The following MYH10 variants were observed in gnomAD, a reference collection of about 807,000 sequenced individuals.
The protein encoded by MYH10 is myosin-10.
A neutral mutation model predicts 257.8 loss-of-function variants in MYH10; 55 were observed. That is an observed-to-expected ratio of 0.21 (90% CI 0.17 to 0.27). MYH10 has a LOEUF of 0.27. Ranked by LOEUF, MYH10 falls within the 10% of genes least tolerant of loss-of-function variation. MYH10 has a pLI of 1.00. For missense variants in MYH10, 1,631 were observed against 2,500.6 expected (o/e 0.65, Z 7.42); for synonymous variants, 854 against 921.7 (o/e 0.93, Z 1.33).
At position 8,499,281 on chromosome 17, in the gene MYH10, T is replaced by C. The variant is rs1917154963; in HGVS notation, c.3940A>G (p.Ser1314Gly). Reference protein sequence around the residue: ...RLRVELAEKASKLQNELDNVS... With the variant: ...RLRVELAEKAGKLQNELDNVS... ...GGTTTCTGGCTTACCTGCAGCTTACTTGCTTTCTCCGCCAGCTCCACCCTG... is the reference window on the plus strand; with the variant it reads ...GGTTTCTGGCTTACCTGCAGCTTACCTGCTTTCTCCGCCAGCTCCACCCTG... The change falls in exon 30 of 43, where the codon AGT becomes GGT. Residue 1314 changes from serine to glycine, a missense_variant. Physicochemically the swap from Ser to Gly is moderately conservative, Grantham distance 56 (BLOSUM62 0). This residue lies in a region of MYH10 where 463 missense variants were observed against 621.8 expected (regional missense o/e 0.74). Coordinates refer to ENST00000360416, the MANE Select transcript of MYH10 (RefSeq NM_001256012.3). 1 of 1,613,550 alleles carries C rather than the reference T, an allele frequency of 6.2e-7. No homozygotes were observed. Among genetic ancestry groups the C allele is most frequent in the South Asian group, 1.1e-5 (1 of 91,072 alleles).
rs373524833 is a variant in MYH10, at chr17:8,499,083, ATAT to A, written c.3951+184_3951+186del. Among the ~76,000 whole-genome samples, 15 of 152,362 alleles carry A rather than the reference ATAT, an allele frequency of 9.8e-5. 1 individual carries two copies. The South Asian group carries it at 3.1e-3, about 32-fold the overall frequency. ...TCATGCTGTGTTCTTCTTAAAATAAATATTATTTAACTTCATCAAAGTAATAGA... is the reference window on the plus strand; with the variant it reads ...TCATGCTGTGTTCTTCTTAAAATAAATATTTAACTTCATCAAAGTAATAGA... On this transcript the variant is annotated intron_variant, in intron 30 of 42. Transcript: ENST00000360416.
chr17:8,619,988 T>C (rs1156627327), intron 2 of MYH10, among the ~76,000 whole-genome samples: 2 of 152,186 alleles, frequency 1.3e-5, no homozygotes, highest in African/African-American at 4.8e-5. Context: ...ACTTCATTGA[T>C]AAACCACAAT....
rs1223622887 is a variant in MYH10, at chr17:8,542,179, G to A, written c.1533C>T (p.Arg511=). ...CGATGAAGTTCCACTCGATGCCTTC[G>A]CGCTGGTATTCCTCTTGTTCTAGGA... ...MFILEQEEYQ[R]EGIEWNFIDF... is the part of the protein sequence containing the mutation. The change falls in exon 14 of 43, where the codon CGC becomes CGT. Residue 511 remains arginine (R), a synonymous_variant. Transcript: ENST00000360416. 21 of 1,614,016 alleles carry A rather than the reference G, an allele frequency of 1.3e-5. No individual in the cohort carries two copies. Among genetic ancestry groups the A allele is most frequent in the East Asian group, 2.2e-5 (1 of 44,894 alleles).
At chr17:8,616,427 T>A (rs1279803541) in intron 2 of MYH10, among the ~76,000 whole-genome samples, 2 of 152,080 alleles carry the variant, frequency 1.3e-5, no homozygotes, top group Non-Finnish European at 2.9e-5. Flanking sequence ...AAAGTCAATA[T>A]ACAAAAATTA....
intron 1 of MYH10, among the ~76,000 whole-genome samples, chr17:8,628,385 AG>A (rs1193128697): frequency 6.6e-6 from 1 of 152,288 alleles, no homozygotes; most frequent in East Asian, 1.9e-4. Context: ...AATGTCACCC[AG>A]CAAACTTTTC....
chr17:8,625,468 A>G (rs543330357), intron 1 of MYH10, among the ~76,000 whole-genome samples: 5 of 147,406 alleles, frequency 3.4e-5, no homozygotes, highest in African/African-American at 1.3e-4. Flanking sequence ...GGTATAGGGT[A>G]GAGCCTGAGA....
intron 24 of MYH10, chr17:8,511,071 T>TATATATATATATATATAC (rs1336387130): frequency 4.9e-5 from 4 of 82,330 alleles, no homozygotes; most frequent in African/African-American, 2.8e-4. Context: ...CACACATACA[T>TATATATATATATATATAC]ACATACACAC....
At chr17:8,598,089 C>G (rs1447643533) in intron 3 of MYH10, among the ~76,000 whole-genome samples, 1 of 152,186 alleles carries the variant, frequency 6.6e-6, no homozygotes, top group Non-Finnish European at 1.5e-5. Flanking sequence ...TCAGGCCATT[C>G]TCCTGCCTCA....
chr17:8,620,195 A>T (rs965668260), intron 2 of MYH10, among the ~76,000 whole-genome samples: 1 of 152,226 alleles, frequency 6.6e-6, no homozygotes, highest in Non-Finnish European at 1.5e-5. Context: ...ATACTACACA[A>T]AAAAGTCTCC....
At chr17:8,594,459 T>C (rs2084284696) in intron 3 of MYH10, among the ~76,000 whole-genome samples, 1 of 152,202 alleles carries the variant, frequency 6.6e-6, no homozygotes, top group Non-Finnish European at 1.5e-5. Flanking sequence ...GGCGAACACC[T>C]GGAATTCATC....
rs754497175 is a variant in MYH10 at position 8,481,426 on chromosome 17, T to C, written c.5176-16A>G. On this transcript the variant is annotated splice_polypyrimidine_tract_variant and intron_variant, in intron 37 of 42. Transcript: ENST00000360416. ...AGGCAAGTTCCTAAGCAGTGGAGACTGCGTTAAGCTCTGGCTGTGAATAGT... is the reference window on the plus strand; with the variant it reads ...AGGCAAGTTCCTAAGCAGTGGAGACCGCGTTAAGCTCTGGCTGTGAATAGT... 5 of 1,611,804 alleles carry C rather than the reference T, an allele frequency of 3.1e-6. No homozygotes were observed. The Admixed American group carries it at 6.7e-5, about 22-fold the overall frequency.
At chr17:8,529,012 C>G (rs2081940574) in intron 17 of MYH10, among the ~76,000 whole-genome samples, 1 of 152,108 alleles carries the variant, frequency 6.6e-6, no homozygotes. Flanking sequence ...GGTGAGGGTA[C>G]AGTGAGGGGA....
At chr17:8,619,874 G>A (rs913158030) in intron 2 of MYH10, among the ~76,000 whole-genome samples, 1 of 151,978 alleles carries the variant, frequency 6.6e-6, no homozygotes, top group African/African-American at 2.4e-5. Flanking sequence ...GCGATGAGCC[G>A]AGATCGCACC....
At chr17:8,494,346 CAAACA>C (rs1229165665) in intron 31 of MYH10, among the ~76,000 whole-genome samples, 1 of 152,224 alleles carries the variant, frequency 6.6e-6, no homozygotes, top group African/African-American at 2.4e-5. Context: ...AATGTAAGCA[CAAACA>C]TGTTTTTCCT....
chr17:8,491,645 C>T (rs948687314), intron 34 of MYH10, among the ~76,000 whole-genome samples: 2 of 152,170 alleles, frequency 1.3e-5, no homozygotes, highest in Non-Finnish European at 2.9e-5. Context: ...AAGTGGCTTC[C>T]CATGGTCAGA....
chr17:8,499,544 T>G, intron 29 of MYH10, 68 bp from the exon 30 acceptor site: 1 of 1,453,664 alleles, frequency 6.9e-7, no homozygotes, highest in Non-Finnish European at 9.6e-7. Flanking sequence ...GGACTGCTTT[T>G]TGAGTCTGCA....
chr17:8,541,006 ATT>A (rs905514909), intron 14 of MYH10, among the ~76,000 whole-genome samples: 3 of 152,214 alleles, frequency 2.0e-5, no homozygotes, highest in Non-Finnish European at 4.4e-5. Context: ...AGGTAAAATG[ATT>A]TCTTATGTAT....
At chr17:8,598,098 C>T (rs2084453220) in intron 3 of MYH10, among the ~76,000 whole-genome samples, 1 of 152,208 alleles carries the variant, frequency 6.6e-6, no homozygotes, top group Admixed American at 6.5e-5. Context: ...TCTCCTGCCT[C>T]AGCCTCCAGA....
chr17:8,603,915 T>G (rs1052802787), intron 3 of MYH10, among the ~76,000 whole-genome samples: 3 of 152,208 alleles, frequency 2.0e-5, no homozygotes, highest in African/African-American at 7.2e-5. Context: ...CTGGAAGATC[T>G]GGTATATAAT....
Sources: gnomAD v4.1 joint callset for allele counts (sites outside exome capture counted in the v4.1 genomes callset) on GRCh38, gnomAD v4.1.1 for gene constraint, gnomAD v4.1.1 regional missense constraint, MANE v1.5 for transcripts, NCBI Gene and HGNC (gene_info 2026-07-23, HGNC 2026-07-21) for gene names.